MFSD12: variants seen among roughly 807,000 people sequenced by gnomAD.
The protein encoded by MFSD12 is major facilitator superfamily domain-containing protein 12.
A neutral mutation model predicts 51.2 loss-of-function variants in MFSD12; 67 were observed. The observed-to-expected ratio is 1.31, with a 90% CI of 1.08 to 1.60. The LOEUF (loss-of-function observed/expected upper bound fraction) is 1.60. Among genes scored for constraint, MFSD12 ranks in the 40% most tolerant of loss-of-function variants. MFSD12 has a pLI of 0.00. For missense variants in MFSD12, 921 were observed against 673.0 expected (o/e 1.37, Z -4.08); for synonymous variants, 441 against 316.7 (o/e 1.39, Z -4.17).
At chr19:3,556,660 C>A (rs2031738166) in intron 1 of MFSD12, among the ~76,000 whole-genome samples, 1 of 147,732 alleles carries the variant, frequency 6.8e-6, no homozygotes, top group African/African-American at 2.5e-5. Flanking sequence ...AGGGGAGGCT[C>A]AGGAGTGACA....
chr19:3,549,603 G>A lies in MFSD12; in HGVS notation c.510-1336C>T, dbSNP rs530716308. 9.0e-4 allele frequency among the ~76,000 whole-genome samples: 136 copies of A among 151,522 alleles called. 3 individuals carry two copies. Among genetic ancestry groups the A allele is most frequent in the African/African-American group, 2.5e-3 (103 of 41,282 alleles). On this transcript the variant is annotated intron_variant, in intron 2 of 9. Coordinates refer to ENST00000355415, the MANE Select transcript of MFSD12 (RefSeq NM_174983.5). ...CCGGGGGTGGTGGCGGGTGCCTGTA[G>A]TCCCAGCTACTCGGGAGGCTGAGGC...
chr19:3,541,519 C>T (rs921111574), downstream of MFSD12: 4 of 254,132 alleles, frequency 1.6e-5, no homozygotes, highest in African/African-American at 2.3e-5. Context: ...GACAGTGTTT[C>T]ACCATGTTGG....
rs770546269 is a variant in MFSD12, at chr19:3,544,815, G to A, written c.1414C>T (p.Arg472Ter). 36 of 1,612,180 alleles carry A rather than the reference G, an allele frequency of 2.2e-5. No individual in the cohort carries two copies. The highest frequency in any genetic ancestry group is 3.3e-5 in the South Asian group (3 of 90,992). The change falls in exon 9 of 10, where the codon CGA (arginine) becomes TGA (stop). Residue 472 changes from arginine (R) to a stop codon, truncating the protein, a stop_gained. Transcript: ENST00000355415. LOFTEE classifies it high-confidence loss of function. ...GGGGTGGGCCAGGACTCACAGCGTCGCAGGCGGGTCGGCCACAGCAGGAGG... is the reference window on the plus strand; with the variant it reads ...GGGGTGGGCCAGGACTCACAGCGTCACAGGCGGGTCGGCCACAGCAGGAGG... ...CSLLLWPTRL[R>*]RWDRDARP
chr19:3,538,590 C>G (rs1219569198), exon 5 of MFSD12: 4 of 425,296 alleles, frequency 9.4e-6, no homozygotes, highest in Non-Finnish European at 1.9e-5. Context: ...CAAGGTGCAT[C>G]CGCACTGTGG....
At chr19:3,543,664 C>A (rs1005204668), downstream of MFSD12, 2 of 1,540,690 alleles carry the variant, frequency 1.3e-6, no homozygotes, top group East Asian at 2.4e-5. Context: ...ACAGGCCAAT[C>A]CGGGGCAAGG....
At chr19:3,547,626 A>C in intron 4 of MFSD12, 79 bp from the exon 5 acceptor site, 2 of 1,352,254 alleles carry the variant, frequency 1.5e-6, no homozygotes, top group Non-Finnish European at 2.1e-6. Flanking sequence ...CACCGGGGCC[A>C]GGGTGGGCGC....
intron 1 of MFSD12, among the ~76,000 whole-genome samples, chr19:3,555,878 T>C (rs2031700247): frequency 6.6e-6 from 1 of 152,206 alleles, no homozygotes; most frequent in Non-Finnish European, 1.5e-5. Context: ...GGCCGGCTAA[T>C]CTTCAGGCCC....
rs148129865 is a variant in MFSD12 at position 3,554,992 on chromosome 19, G to A, written c.298+2114C>T. Among the ~76,000 whole-genome samples the A allele has an allele frequency of 9.5e-3, 1,442 of 152,356 alleles. 21 individuals carry two copies. The highest frequency in any genetic ancestry group is 0.033 in the African/African-American group (1,370 of 41,590). Reference sequence around the variant, plus strand: ...AGGGCAGGTGCCCTCCCCGAGGCGGGGAAGAGGGGTGACGGTGGACGCCTT... The same window carrying A: ...AGGGCAGGTGCCCTCCCCGAGGCGGAGAAGAGGGGTGACGGTGGACGCCTT... On this transcript the variant is annotated intron_variant, in intron 1 of 9. Transcript: ENST00000355415.
chr19:3,555,182 G>A (rs931375943), intron 1 of MFSD12, among the ~76,000 whole-genome samples: 28 of 152,274 alleles, frequency 1.8e-4, no homozygotes, highest in South Asian at 1.2e-3. Flanking sequence ...GATCTTGGCT[G>A]ACTACAGCCT....
intron 4 of MFSD12, chr19:3,539,115 C>A: frequency 8.5e-7 from 1 of 1,177,034 alleles, no homozygotes; most frequent in Non-Finnish European, 1.2e-6. Context: ...ACTGGGTGGC[C>A]TTTATGCTGT....
chr19:3,543,219 C>A, downstream of MFSD12: 1 of 1,539,314 alleles, frequency 6.5e-7, no homozygotes. Context: ...AGTCTCTGCC[C>A]CCTGCCCACC....
At chr19:3,541,619 T>C (rs553746893), downstream of MFSD12, 1 of 983,370 alleles carries the variant, frequency 1.0e-6, no homozygotes, top group Admixed American at 6.2e-5. Context: ...CCGCACCCAG[T>C]GCAAGACCCT....
intron 6 of MFSD12, 148 bp from the exon 7 acceptor site, chr19:3,546,573 A>C: frequency 4.3e-6 from 4 of 922,698 alleles, no homozygotes; most frequent in Non-Finnish European, 6.4e-6. Context: ...TGGACACAAC[A>C]CCGAGGCTCT....
At position 3,551,545 on chromosome 19, in the gene MFSD12, G is replaced by A. The variant is rs1366100886; in HGVS notation, c.299-351C>T. Among the ~76,000 whole-genome samples the A allele has an allele frequency of 2.0e-5, 3 of 152,116 alleles. No homozygotes were observed. Among genetic ancestry groups the A allele is most frequent in the Admixed American group, 2.0e-4 (3 of 15,280 alleles). On this transcript the variant is annotated intron_variant, in intron 1 of 9. Coordinates refer to ENST00000355415, the MANE Select transcript of MFSD12 (RefSeq NM_174983.5). This position sits in a 1 kb window ranked among gnomAD's most constrained non-coding sequence, Gnocchi z 4.6. Reference sequence around the variant, plus strand: ...ATCAAGCCTCCCATAGGGCCTCGGGGAGCGGGAGGCCCAGGTGGGCCTGGG... The same window carrying A: ...ATCAAGCCTCCCATAGGGCCTCGGGAAGCGGGAGGCCCAGGTGGGCCTGGG...
rs1247031814 is a variant in MFSD12 at position 3,544,701 on chromosome 19, TGTCAGGA to T, written c.*2_*8del. On this transcript the variant is annotated 3_prime_UTR_variant, in exon 10 of 10. Coordinates refer to ENST00000355415, the MANE Select transcript of MFSD12 (RefSeq NM_174983.5). ...GTTCCCTTGCACAGGTGCAGGAGGC[TGTCAGGA>T]GTCAGGGCCGGGCATCACGGTCCCC... 4 of 1,596,786 alleles carry T rather than the reference TGTCAGGA, an allele frequency of 2.5e-6. No individual in the cohort carries two copies. Among genetic ancestry groups the T allele is most frequent in the African/African-American group, 1.3e-5 (1 of 74,444 alleles).
At chr19:3,554,544 G>C (rs2031642258) in intron 1 of MFSD12, among the ~76,000 whole-genome samples, 1 of 151,954 alleles carries the variant, frequency 6.6e-6, no homozygotes, top group Non-Finnish European at 1.5e-5. Context: ...CGTCTATTCT[G>C]AACCACTTCC....
intron 2 of MFSD12, among the ~76,000 whole-genome samples, chr19:3,549,723 CAAAA>C (rs5826823): frequency 4.6e-5 from 4 of 87,424 alleles, no homozygotes; most frequent in South Asian, 4.2e-4. Flanking sequence ...ACTCTTGTCT[CAAAA>C]AAAAAAAAAA....
chr19:3,547,931 C>T lies in MFSD12; in HGVS notation c.754G>A (p.Glu252Lys), dbSNP rs768861894. ...GCAGGGGCCAACAGGGGGGTGTGCT[C>T]GCCTGGCTCCTCCGCATGCGGCCGG... ...RRRPHAEEPG[E>K]HTPLLAPATA... The change falls in exon 4 of 10, where the codon GAG (glutamate) becomes AAG (lysine). Residue 252 changes from glutamate (E) to lysine (K), a missense_variant. By Grantham distance (56) the Glu-to-Lys change is moderately conservative. Transcript: ENST00000355415. The T allele has an allele frequency of 7.5e-6, 12 of 1,591,192 alleles. No individual in the cohort carries two copies. The African/African-American group carries it at 1.2e-4, about 16-fold the overall frequency.
In MFSD12 at chr19:3,557,536, C is replaced by T. The variant is rs1359538117; in HGVS notation, c.-133G>A. 5 of 438,730 alleles carry T rather than the reference C, an allele frequency of 1.1e-5. No homozygotes were observed. The highest frequency in any genetic ancestry group is 4.2e-5 in the African/African-American group (2 of 47,512). 27.2% of individuals were successfully genotyped at this position (438,730 alleles called of 1,614,324 possible). On this transcript the variant is annotated 5_prime_UTR_variant, in exon 1 of 10. Coordinates refer to ENST00000355415, the MANE Select transcript of MFSD12 (RefSeq NM_174983.5). ...GGGCACCCCGCGTCCCGCTCTCTTA[C>T]GGCCGCGCCCTCACCCACGTCCGCC...
Sources: allele counts gnomAD v4.1 joint callset (sites outside exome capture counted in the v4.1 genomes callset), GRCh38; gene constraint gnomAD v4.1.1; non-coding constraint Gnocchi (gnomAD v3.1); transcripts MANE v1.5; gene names NCBI Gene and HGNC (gene_info 2026-07-23, HGNC 2026-07-21).